Variants in DLGAP2 observed in about 807,000 individuals in gnomAD.
DLGAP2 encodes DLG associated protein 2.
In DLGAP2, 26 loss-of-function variants were observed where a neutral mutation model predicts 100.3. The observed-to-expected ratio is 0.26, with a 90% CI of 0.19 to 0.36. The LOEUF (loss-of-function observed/expected upper bound fraction) is 0.36. DLGAP2 is among the 10% of genes least tolerant of loss of function. The pLI is 1.00. For synonymous variants in DLGAP2, 886 were observed against 630.1 expected (o/e 1.41, Z -6.08); for missense variants, 1,858 against 1,453.2 (o/e 1.28, Z -4.53).
intron 2 of DLGAP2, among the ~76,000 whole-genome samples, chr8:1,208,728 C>G (rs1798045768): frequency 6.6e-6 from 1 of 151,990 alleles, no homozygotes; most frequent in African/African-American, 2.4e-5. Flanking sequence ...CTTAGAAAAC[C>G]TAGATCTGAT....
At chr8:1,646,059 G>A (rs1327546976) in intron 8 of DLGAP2, among the ~76,000 whole-genome samples, 1 of 152,168 alleles carries the variant, frequency 6.6e-6, no homozygotes, top group African/African-American at 2.4e-5. Flanking sequence ...GCCATGGAGT[G>A]CCCAGATATC....
chr8:981,864 T>A (rs1311447220), intron 2 of DLGAP2, among the ~76,000 whole-genome samples: 1 of 152,238 alleles, frequency 6.6e-6, no homozygotes, highest in African/African-American at 2.4e-5. Flanking sequence ...GTTCTATGAA[T>A]CCTCTTTCCA....
intron 2 of DLGAP2, among the ~76,000 whole-genome samples, chr8:1,188,061 C>T (rs561535427): frequency 7.5e-6 from 1 of 132,830 alleles, no homozygotes; most frequent in Non-Finnish European, 1.5e-5. Context: ...CTCACACACC[C>T]GGGACCTCCG....
intron 2 of DLGAP2, among the ~76,000 whole-genome samples, chr8:1,234,826 G>A (rs1049218810): frequency 6.6e-5 from 10 of 152,196 alleles, no homozygotes; most frequent in Non-Finnish European, 1.5e-4. Context: ...AGTTCACGGC[G>A]TCACGTCAGG....
At position 960,237 on chromosome 8, in the gene DLGAP2, C is replaced by CTTTTTTTTTTTTTTTTTT. The variant is rs71528625; in HGVS notation, c.73+52286_73+52287insTTTTTTTTTTTTTTTTTT. Among the ~76,000 whole-genome samples, 219 of 44,642 alleles carry CTTTTTTTTTTTTTTTTTT rather than the reference C, an allele frequency of 4.9e-3. 52 individuals are homozygous for CTTTTTTTTTTTTTTTTTT. Among genetic ancestry groups the CTTTTTTTTTTTTTTTTTT allele is most frequent in the African/African-American group, 6.9e-3 (78 of 11,362 alleles). The allele number at this position is 44,642 out of a possible 152,430, so 29.3% of individuals were successfully genotyped here. A position where few individuals can be genotyped will look rare whatever the true frequency, so the allele number is the denominator to read the frequency against. ...TTGGGCAATTATTCCTGAAGTATAT[C>CTTTTTTTTTTTTTTTTTT]TTTTTTTTTTTTTTTCCCGAGACAC... On this transcript the variant is annotated intron_variant, in intron 2 of 14. Coordinates refer to ENST00000637795, the MANE Select transcript of DLGAP2 (RefSeq NM_001346810.2).
chr8:1,530,854 G>A (rs1244414542), intron 4 of DLGAP2, among the ~76,000 whole-genome samples: 1 of 152,198 alleles, frequency 6.6e-6, no homozygotes, highest in Non-Finnish European at 1.5e-5. Flanking sequence ...AGCAGAGGTA[G>A]GTGAAGACTT....
chr8:1,005,713 C>A (rs1426654000), intron 2 of DLGAP2, among the ~76,000 whole-genome samples: 2 of 152,092 alleles, frequency 1.3e-5, no homozygotes, highest in African/African-American at 4.8e-5. Flanking sequence ...AGCCACCGCT[C>A]CTAGCCCTAC....
intron 14 of DLGAP2, among the ~76,000 whole-genome samples, chr8:1,699,203 T>G (rs73672935): frequency 0.081 from 12,303 of 152,094 alleles, 532 homozygotes; most frequent in South Asian, 0.17. Context: ...GCGCATAGAG[T>G]ATGATTCTCA....
At chr8:1,630,255 T>C (rs1230491748) in intron 7 of DLGAP2, among the ~76,000 whole-genome samples, 1 of 152,224 alleles carries the variant, frequency 6.6e-6, no homozygotes, top group East Asian at 1.9e-4. Context: ...AGAAACAAAC[T>C]TCCACTAATT....
At chr8:1,514,017 C>T (rs550698536) in intron 4 of DLGAP2, among the ~76,000 whole-genome samples, 17 of 152,318 alleles carry the variant, frequency 1.1e-4, no homozygotes, top group Non-Finnish European at 1.9e-4. Context: ...GGTTATCTTA[C>T]GTGATATGGG....
chr8:1,417,898 C>T (rs150417545), intron 3 of DLGAP2, among the ~76,000 whole-genome samples: 5 of 152,168 alleles, frequency 3.3e-5, no homozygotes, highest in African/African-American at 1.2e-4. Flanking sequence ...GTTCCAGGAG[C>T]CTTTTGCTCT....
intron 2 of DLGAP2, among the ~76,000 whole-genome samples, chr8:1,086,688 T>C (rs1803983558): frequency 6.6e-6 from 1 of 152,118 alleles, no homozygotes; most frequent in South Asian, 2.1e-4. Flanking sequence ...GATAAAGGGG[T>C]TAATTCATCA....
chr8:1,230,675 A>G (rs1798517352), intron 2 of DLGAP2, among the ~76,000 whole-genome samples: 1 of 152,182 alleles, frequency 6.6e-6, no homozygotes, highest in Non-Finnish European at 1.5e-5. Context: ...AACCAACAGA[A>G]CAGAATATAC....
At chr8:858,252 A>G (rs1163389493) in intron 1 of DLGAP2, among the ~76,000 whole-genome samples, 3 of 152,260 alleles carry the variant, frequency 2.0e-5, no homozygotes, top group Non-Finnish European at 4.4e-5. Flanking sequence ...AGTGCTGAGA[A>G]GGAATGATCT....
At chr8:1,377,525 T>A (rs140328539) in intron 3 of DLGAP2, among the ~76,000 whole-genome samples, 10 of 152,030 alleles carry the variant, frequency 6.6e-5, no homozygotes, top group African/African-American at 2.2e-4. Flanking sequence ...GCCCGGGCGA[T>A]AGAGCGAGAC....
chr8:1,040,422 T>C (rs1206336546), intron 2 of DLGAP2, among the ~76,000 whole-genome samples: 1 of 149,578 alleles, frequency 6.7e-6, no homozygotes, highest in African/African-American at 2.5e-5. Context: ...GTGTGCGTGG[T>C]CGGCTCAATG....
intron 1 of DLGAP2, among the ~76,000 whole-genome samples, chr8:847,863 A>G (rs1171687387): frequency 2.6e-5 from 4 of 151,968 alleles, no homozygotes; most frequent in African/African-American, 7.2e-5. Context: ...TCCTGTCTTT[A>G]TTATTTTTTT....
In DLGAP2 at chr8:1,606,843, C is replaced by T. The variant is rs369368694; in HGVS notation, c.1443-19897C>T. ...GGTCCACAGATGTACACCACCACAC[C>T]CAGCTAAGTTTTTGTATTTTTGGTA... On this transcript the variant is annotated intron_variant, in intron 6 of 14. Transcript: ENST00000637795. Among the ~76,000 whole-genome samples, 115 of 152,234 alleles carry T rather than the reference C, an allele frequency of 7.6e-4. 2 individuals are homozygous for T. The South Asian group carries it at 0.017, about 23-fold the overall frequency.
intron 1 of DLGAP2, among the ~76,000 whole-genome samples, chr8:749,836 G>A (rs1820746397): frequency 6.6e-6 from 1 of 152,192 alleles, no homozygotes; most frequent in Non-Finnish European, 1.5e-5. Context: ...CCTGGGGCCT[G>A]CTCCCTCCAG....
Sources: allele counts gnomAD v4.1 joint callset (sites outside exome capture counted in the v4.1 genomes callset), GRCh38; gene constraint gnomAD v4.1.1; transcripts MANE v1.5; gene names NCBI Gene and HGNC (gene_info 2026-07-23, HGNC 2026-07-21).